Variants in AGPS observed in about 807,000 individuals in gnomAD.
The protein encoded by AGPS is alkylglycerone phosphate synthase, also known as alkyldihydroxyacetonephosphate synthase, peroxisomal.
Under a neutral mutation model 90.7 loss-of-function variants are expected in AGPS, and 26 were observed. That is an observed-to-expected ratio of 0.29 (90% CI 0.21 to 0.40). The LOEUF (loss-of-function observed/expected upper bound fraction) is 0.40, where lower values mean the gene tolerates loss of function less well. Among genes scored for constraint, AGPS ranks in the 10% least tolerant of loss-of-function variants. The pLI is 1.00. For synonymous variants in AGPS, 294 were observed against 285.3 expected (o/e 1.03, Z -0.31); for missense variants, 540 against 816.1 (o/e 0.66, Z 4.12).
rs776240072 is a variant in AGPS, at chr2:177,434,026, CA to C, written c.351-300del. 2.6e-5 allele frequency among the ~76,000 whole-genome samples: 4 copies of C among 152,088 alleles called. 1 individual carries two copies. Among genetic ancestry groups the C allele is most frequent in the Non-Finnish European group, 5.9e-5 (4 of 68,010 alleles). On this transcript the variant is annotated intron_variant, in intron 2 of 19. Coordinates refer to ENST00000264167, the MANE Select transcript of AGPS (RefSeq NM_003659.4). ...TTTTGAGGCACCAGCTGGGGCCTGC[CA>C]TAAGGCTAAAACTTATGGAAAAAAC...
At chr2:177,462,779 T>C (rs1311134211) in intron 9 of AGPS, among the ~76,000 whole-genome samples, 2 of 152,180 alleles carry the variant, frequency 1.3e-5, no homozygotes, top group South Asian at 2.1e-4. Context: ...ATTTAAAGCA[T>C]GTGAGAGGAT....
At chr2:177,426,284 G>A (rs181522147) in intron 2 of AGPS, among the ~76,000 whole-genome samples, 1 of 152,282 alleles carries the variant, frequency 6.6e-6, no homozygotes, top group Admixed American at 6.5e-5. Flanking sequence ...AGCTTCAGAA[G>A]CTTTTGGGCT....
Position 177,470,657 on chromosome 2 carries a change from G to A in AGPS, c.1105+2133G>A, listed in dbSNP as rs960911608. Among the ~76,000 whole-genome samples the A allele has an allele frequency of 2.8e-5, 4 of 143,410 alleles. No individual in the cohort carries two copies. In the South Asian group the frequency reaches 6.5e-4, roughly 23 times the overall value. The allele number at this position is 143,410 out of a possible 152,430, so 94.1% of individuals were successfully genotyped here. On this transcript the variant is annotated intron_variant, in intron 10 of 19. Transcript: ENST00000264167. ...AGGCAGAGATTACAGACTGCAGTGA[G>A]CCTAGATTATGCCACTACACTCCAG...
intron 10 of AGPS, among the ~76,000 whole-genome samples, chr2:177,470,178 G>A (rs925571163): frequency 1.3e-5 from 2 of 152,104 alleles, no homozygotes; most frequent in Non-Finnish European, 2.9e-5. Flanking sequence ...TGAGGCTGCT[G>A]GTTTTTCAGT....
chr2:177,512,629 A>G (rs1318255826), intron 16 of AGPS, among the ~76,000 whole-genome samples: 3 of 152,214 alleles, frequency 2.0e-5, no homozygotes, highest in Admixed American at 1.3e-4. Context: ...TTCTGGTATC[A>G]TTTCAAGTCT....
chr2:177,400,137 A>C (rs1685293257), intron 1 of AGPS, among the ~76,000 whole-genome samples: 1 of 152,240 alleles, frequency 6.6e-6, no homozygotes, highest in African/African-American at 2.4e-5. Context: ...TTAAGAATTA[A>C]TATATTTACT....
chr2:177,500,052 G>A (rs577471693), intron 14 of AGPS, among the ~76,000 whole-genome samples: 4 of 151,928 alleles, frequency 2.6e-5, no homozygotes, highest in African/African-American at 7.2e-5. Context: ...TTCTACTAGA[G>A]TAAAATAGAA....
chr2:177,428,760 CTT>C (rs1353492895), intron 2 of AGPS, among the ~76,000 whole-genome samples: 2 of 152,022 alleles, frequency 1.3e-5, no homozygotes, highest in Non-Finnish European at 2.9e-5. Context: ...TTTTTTCTCT[CTT>C]TTCAACCTTT....
intron 10 of AGPS, among the ~76,000 whole-genome samples, chr2:177,475,160 C>G (rs1687744560): frequency 6.6e-6 from 1 of 152,154 alleles, no homozygotes; most frequent in Non-Finnish European, 1.5e-5. Flanking sequence ...CAACAACTAA[C>G]TGTGAACATG....
At position 177,420,345 on chromosome 2, in the gene AGPS, T is replaced by C. The variant is rs1458108521; in HGVS notation, c.337T>C (p.Leu113=). The change falls in exon 2 of 20, where the codon TTG becomes CTG. Residue 113 remains leucine, a synonymous_variant. Coordinates refer to ENST00000264167, the MANE Select transcript of AGPS (RefSeq NM_003659.4). ...FIFNKKGQIE[L]TGKRYPLSGM... is the part of the protein sequence containing the mutation. ...CTTCAATAAGAAGGGCCAAATTGAA[T>C]TGACTGGGAAAAGGTAACCCTGGTT... is the stretch of plus-strand genomic sequence containing the variant. The C allele has an allele frequency of 6.2e-7, 1 of 1,606,636 alleles. No homozygotes were observed.
intron 1 of AGPS, among the ~76,000 whole-genome samples, chr2:177,404,262 C>T (rs1685407226): frequency 6.6e-6 from 1 of 152,100 alleles, no homozygotes; most frequent in Non-Finnish European, 1.5e-5. Flanking sequence ...GTGCTTAACC[C>T]TGCCTGGGTC....
In AGPS at chr2:177,409,855, A is replaced by G. The variant is rs1379227117; in HGVS notation, c.261-10414A>G. 3.3e-5 allele frequency among the ~76,000 whole-genome samples: 5 copies of G among 152,156 alleles called. No homozygotes were observed. In the South Asian group the frequency reaches 1.0e-3, roughly 31 times the overall value. On this transcript the variant is annotated intron_variant, in intron 1 of 19. Transcript: ENST00000264167. Reference sequence around the variant, plus strand: ...AACTTAACAAGGAGGTTAAAGATACAGGGATTGAAACGTATGGCCTGCAGT... The same window carrying G: ...AACTTAACAAGGAGGTTAAAGATACGGGGATTGAAACGTATGGCCTGCAGT...
chr2:177,519,760 T>C (rs1689126080), intron 17 of AGPS, among the ~76,000 whole-genome samples: 1 of 152,112 alleles, frequency 6.6e-6, no homozygotes, highest in Non-Finnish European at 1.5e-5. Flanking sequence ...CCCAGGATGA[T>C]CCAGACCTCA....
intron 16 of AGPS, among the ~76,000 whole-genome samples, chr2:177,510,660 G>A (rs1688843933): frequency 6.6e-6 from 1 of 151,980 alleles, no homozygotes; most frequent in South Asian, 2.1e-4. Context: ...GTTTTATGCA[G>A]TTACACATTT....
intron 11 of AGPS, among the ~76,000 whole-genome samples, chr2:177,488,641 C>T (rs1316424076): frequency 6.6e-6 from 1 of 152,050 alleles, no homozygotes; most frequent in Non-Finnish European, 1.5e-5. Context: ...ATTTTTTGTG[C>T]CCAAATTTTT....
At chr2:177,415,009 T>C (rs1685745681) in intron 1 of AGPS, among the ~76,000 whole-genome samples, 1 of 151,942 alleles carries the variant, frequency 6.6e-6, no homozygotes, top group Non-Finnish European at 1.5e-5. Flanking sequence ...TTTTGTGAAA[T>C]ATGCAGTGTT....
At chr2:177,510,460 G>A (rs1056635239) in intron 16 of AGPS, among the ~76,000 whole-genome samples, 5 of 152,040 alleles carry the variant, frequency 3.3e-5, no homozygotes, top group Admixed American at 1.3e-4. Flanking sequence ...CCAAATCACC[G>A]GGACAGTGGA....
At chr2:177,416,562 G>A (rs1685791265) in intron 1 of AGPS, among the ~76,000 whole-genome samples, 1 of 151,742 alleles carries the variant, frequency 6.6e-6, no homozygotes, top group African/African-American at 2.4e-5. Context: ...GTCTTGTTCT[G>A]TCACCCAGCC....
intron 10 of AGPS, among the ~76,000 whole-genome samples, chr2:177,476,887 C>G (rs1212999498): frequency 1.3e-5 from 2 of 151,992 alleles, no homozygotes; most frequent in African/African-American, 4.8e-5. Context: ...TTCCTGATGG[C>G]TTATCATTAT....
Sources: allele counts gnomAD v4.1 joint callset (sites outside exome capture counted in the v4.1 genomes callset), GRCh38; gene constraint gnomAD v4.1.1; transcripts MANE v1.5; gene names NCBI Gene and HGNC (gene_info 2026-07-23, HGNC 2026-07-21).